IQCM: variants seen among roughly 807,000 people sequenced by gnomAD.
IQCM encodes the protein IQ domain-containing protein M.
In IQCM, 45 loss-of-function variants were observed where a neutral mutation model predicts 57.6. The observed-to-expected ratio is 0.78, with a 90% CI of 0.62 to 1.00. The LOEUF (loss-of-function observed/expected upper bound fraction) is 1.00. IQCM is among the 50% of genes least tolerant of loss of function. The pLI, the probability that IQCM is intolerant of heterozygous loss-of-function variation, is 0.00. For missense variants in IQCM, 468 were observed against 511.6 expected, an observed-to-expected ratio of 0.91 and a Z score of 0.82; for synonymous variants, 148 against 158.9, an observed-to-expected ratio of 0.93 and a Z score of 0.51.
At chr4:149,641,224 G>A (rs1483593476) in intron 7 of IQCM, among the ~76,000 whole-genome samples, 3 of 152,016 alleles carry the variant, frequency 2.0e-5, no homozygotes, top group Non-Finnish European at 2.9e-5. Context: ...TAACAAAAAG[G>A]TAAAACAATT....
intron 2 of IQCM, among the ~76,000 whole-genome samples, chr4:149,747,930 C>T (rs1162849943): frequency 6.6e-6 from 1 of 152,140 alleles, no homozygotes; most frequent in African/African-American, 2.4e-5. Flanking sequence ...AGTCTAGGAG[C>T]ACTGTGATGA....
chr4:149,727,812 G>T (rs1766087598), intron 5 of IQCM, among the ~76,000 whole-genome samples: 1 of 152,136 alleles, frequency 6.6e-6, no homozygotes, highest in East Asian at 1.9e-4. Flanking sequence ...TAAGAGATGA[G>T]CCCAAGAGGA....
intron 13 of IQCM, among the ~76,000 whole-genome samples, chr4:149,410,239 AG>A (rs1446433031): frequency 1.3e-5 from 2 of 152,078 alleles, no homozygotes; most frequent in Admixed American, 6.6e-5. Context: ...CACAGCCAAA[AG>A]GTCCCAAACT....
intron 9 of IQCM, among the ~76,000 whole-genome samples, chr4:149,565,465 G>C (rs1251938450): frequency 2.0e-5 from 3 of 152,090 alleles, no homozygotes; most frequent in Non-Finnish European, 4.4e-5. Context: ...TCTTTCTGTA[G>C]TTATTCTTGA....
chr4:149,482,749 T>A (rs1024635799), intron 12 of IQCM, among the ~76,000 whole-genome samples: 2 of 151,702 alleles, frequency 1.3e-5, no homozygotes, highest in Admixed American at 6.6e-5. Context: ...TTTTTTTTTT[T>A]AATGTGTCTT....
rs34376171 is a variant in IQCM at position 149,410,420 on chromosome 4, CTG to C, written c.1390+22974_1390+22975del. Among the ~76,000 whole-genome samples the C allele has an allele frequency of 2.9e-3, 423 of 147,492 alleles. 1 individual carries two copies. The highest frequency in any genetic ancestry group is 6.7e-3 in the African/African-American group (273 of 40,468). ...TCCACAAATATATATATACACACACCTGTGTGTGTGTGTGTGTGTGTATTTAA... is the reference window on the plus strand; with the variant it reads ...TCCACAAATATATATATACACACACCTGTGTGTGTGTGTGTGTGTATTTAA... On this transcript the variant is annotated intron_variant, in intron 13 of 13. Coordinates refer to ENST00000636793, the MANE Select transcript of IQCM (RefSeq NM_001363507.2).
At chr4:149,592,608 T>C (rs1289259576) in intron 8 of IQCM, among the ~76,000 whole-genome samples, 2 of 151,848 alleles carry the variant, frequency 1.3e-5, no homozygotes, top group Non-Finnish European at 2.9e-5. Context: ...ATTTAAGTCT[T>C]TAATCCATCT....
chr4:149,637,777 C>T (rs1053845903), intron 7 of IQCM, among the ~76,000 whole-genome samples: 1 of 152,064 alleles, frequency 6.6e-6, no homozygotes, highest in African/African-American at 2.4e-5. Flanking sequence ...AGAAGGAAAA[C>T]TCTCCTCAAC....
chr4:149,675,064 T>G (rs1040979480), intron 7 of IQCM, among the ~76,000 whole-genome samples: 1 of 152,026 alleles, frequency 6.6e-6, no homozygotes, highest in East Asian at 1.9e-4. Context: ...GGAGAATGTA[T>G]GTATTATGAT....
intron 2 of IQCM, among the ~76,000 whole-genome samples, chr4:149,753,028 C>T (rs1482706929): frequency 6.6e-6 from 1 of 152,148 alleles, no homozygotes; most frequent in African/African-American, 2.4e-5. Context: ...GGACTGGGAA[C>T]TTAGGGGCAA....
intron 13 of IQCM, among the ~76,000 whole-genome samples, chr4:149,370,886 C>A (rs777991108): frequency 0.18 from 27,362 of 151,914 alleles, 2,624 homozygotes; most frequent in South Asian, 0.33. Flanking sequence ...TTTGTTAATT[C>A]TTTATAGATA....
chr4:149,494,326 A>C (rs753796636), intron 12 of IQCM, among the ~76,000 whole-genome samples: 1 of 152,144 alleles, frequency 6.6e-6, no homozygotes, highest in Non-Finnish European at 1.5e-5. Flanking sequence ...AAAAATAACC[A>C]GCAGCAACCA....
chr4:149,588,882 T>C (rs1403900048), intron 8 of IQCM, among the ~76,000 whole-genome samples: 1 of 151,996 alleles, frequency 6.6e-6, no homozygotes. Context: ...CAAGCTTATT[T>C]TCAGTGAAAA....
At chr4:149,447,265 C>T (rs1736615804) in intron 12 of IQCM, among the ~76,000 whole-genome samples, 1 of 151,526 alleles carries the variant, frequency 6.6e-6, no homozygotes, top group Non-Finnish European at 1.5e-5. Context: ...AGGTCAAATT[C>T]ACAATGTCTG....
chr4:149,728,607 C>T (rs1766177281), intron 5 of IQCM, among the ~76,000 whole-genome samples: 1 of 152,160 alleles, frequency 6.6e-6, no homozygotes, highest in African/African-American at 2.4e-5. Flanking sequence ...GAACACATAA[C>T]ACTTTTATGG....
intron 12 of IQCM, among the ~76,000 whole-genome samples, chr4:149,546,582 A>T (rs1748457015): frequency 6.6e-6 from 1 of 152,070 alleles, no homozygotes; most frequent in African/African-American, 2.4e-5. Flanking sequence ...GATGACAAAC[A>T]TTTTTTCAAG....
At chr4:149,809,276 CA>C (rs1774349694) in intron 2 of IQCM, among the ~76,000 whole-genome samples, 1 of 149,028 alleles carries the variant, frequency 6.7e-6, no homozygotes, top group African/African-American at 2.5e-5. Flanking sequence ...AAAAAAAAAA[CA>C]GTTGAAAAAT....
intron 12 of IQCM, among the ~76,000 whole-genome samples, chr4:149,486,222 C>T (rs1741490984): frequency 1.3e-5 from 2 of 152,026 alleles, no homozygotes; most frequent in Admixed American, 6.6e-5. Flanking sequence ...TTCTTCCAGG[C>T]CCTGGGTGTG....
At chr4:149,530,152 A>C (rs559389427) in intron 12 of IQCM, among the ~76,000 whole-genome samples, 1 of 152,208 alleles carries the variant, frequency 6.6e-6, no homozygotes, top group East Asian at 1.9e-4. Context: ...AAATGTCCCC[A>C]TCTTGCTCTC....
Sources: gnomAD v4.1 joint callset for allele counts (sites outside exome capture counted in the v4.1 genomes callset) on GRCh38, gnomAD v4.1.1 for gene constraint, MANE v1.5 for transcripts, NCBI Gene and HGNC (gene_info 2026-07-23, HGNC 2026-07-21) for gene names.